Variants in SLC26A7 observed in about 807,000 individuals in gnomAD.
SLC26A7 encodes solute carrier family 26 member 7.
SLC26A7 carries 59 observed loss-of-function variants against 82.5 expected under a neutral mutation model. The ratio of observed to expected loss-of-function variants is 0.72; its 90% CI spans 0.58 to 0.89. The LOEUF is 0.89. SLC26A7 is among the 40% of genes least tolerant of loss of function. The pLI, the probability that SLC26A7 is intolerant of heterozygous loss-of-function variation, is 0.00. For synonymous variants in SLC26A7, 271 were observed against 274.3 expected (o/e 0.99, Z 0.12); for missense variants, 820 against 793.0 (o/e 1.03, Z -0.41).
chr8:91,340,352 T>TA (rs1204265460), intron 7 of SLC26A7, 52 bp from the exon 8 acceptor site: 3 of 1,588,588 alleles, frequency 1.9e-6, no homozygotes, highest in Non-Finnish European at 2.6e-6. Flanking sequence ...TGCAAGTTGT[T>TA]ACAGAAATTA....
chr8:91,261,082 T>A (rs1810951056), intron 2 of SLC26A7, among the ~76,000 whole-genome samples: 1 of 152,100 alleles, frequency 6.6e-6, no homozygotes, highest in African/African-American at 2.4e-5. Context: ...GGAAATAACT[T>A]TCATCGTTGC....
At chr8:91,225,370 T>A (rs1388582282) in intron 2 of SLC26A7, among the ~76,000 whole-genome samples, 1 of 152,116 alleles carries the variant, frequency 6.6e-6, no homozygotes, top group Non-Finnish European at 1.5e-5. Context: ...TTTCCCCAGC[T>A]GAGTAGCATG....
chr8:91,369,730 A>T (rs1224137847), intron 14 of SLC26A7, 55 bp from the exon 15 acceptor site: 1 of 1,300,092 alleles, frequency 7.7e-7, no homozygotes, highest in Non-Finnish European at 1.1e-6. Context: ...GATTTTTTTC[A>T]GACAGAAGTA....
chr8:91,382,150 G>T (rs191444338), intron 15 of SLC26A7, among the ~76,000 whole-genome samples: 53 of 152,196 alleles, frequency 3.5e-4, no homozygotes, highest in African/African-American at 1.2e-3. Flanking sequence ...AGATCTAATT[G>T]CCATTCCAGC....
chr8:91,327,322 GCT>G (rs1432310467), intron 5 of SLC26A7, among the ~76,000 whole-genome samples: 2 of 152,080 alleles, frequency 1.3e-5, no homozygotes, highest in African/African-American at 4.8e-5. Context: ...ACCACTGAGC[GCT>G]CTGTGTTGTG....
chr8:91,297,451 G>T (rs938414073), intron 4 of SLC26A7, among the ~76,000 whole-genome samples: 2 of 151,820 alleles, frequency 1.3e-5, no homozygotes. Context: ...AAACTCCCTA[G>T]AATTATAAGA....
At position 91,344,120 on chromosome 8, in the gene SLC26A7, T is replaced by A. The variant is rs940727123; in HGVS notation, c.1140+654T>A. The A allele has an allele frequency of 1.5e-5, 15 of 985,280 alleles. No individual in the cohort carries two copies. In the African/African-American group the frequency reaches 2.4e-4, roughly 16 times the overall value. The allele number at this position is 985,280 out of a possible 1,614,324, so 61.0% of individuals were successfully genotyped here. A position where few individuals can be genotyped will look rare whatever the true frequency, so the allele number is the denominator to read the frequency against. On this transcript the variant is annotated intron_variant, in intron 9 of 18. Coordinates refer to ENST00000276609, the MANE Select transcript of SLC26A7 (RefSeq NM_052832.4). ...AAGATATTGAGTTGTGTGCCAGGCA[T>A]TGGCTGTCATACTTTTGTTATAAAT...
chr8:91,344,936 TTTTTTTTC>T (rs1258570830), intron 9 of SLC26A7, among the ~76,000 whole-genome samples: 8 of 152,164 alleles, frequency 5.3e-5, no homozygotes, highest in Admixed American at 4.6e-4. Context: ...TATAGCAGTT[TTTTTTTTC>T]TTTTTTTCTT....
intron 2 of SLC26A7, among the ~76,000 whole-genome samples, chr8:91,278,422 G>C (rs1811465090): frequency 2.6e-5 from 4 of 152,092 alleles, no homozygotes; most frequent in Admixed American, 1.3e-4. Context: ...ATATGTAGAA[G>C]TGTTCAAAGA....
At chr8:91,371,178 A>C (rs973281074) in intron 15 of SLC26A7, among the ~76,000 whole-genome samples, 4 of 151,946 alleles carry the variant, frequency 2.6e-5, no homozygotes, top group African/African-American at 9.6e-5. Flanking sequence ...AGTTTGAAGA[A>C]ATAGGTTGAT....
intron 5 of SLC26A7, among the ~76,000 whole-genome samples, chr8:91,332,509 CA>C (rs1813120196): frequency 6.8e-6 from 1 of 146,912 alleles, no homozygotes; most frequent in Non-Finnish European, 1.5e-5. Flanking sequence ...CACACACACA[CA>C]CACACACACA....
chr8:91,270,108 G>A (rs560470194), intron 2 of SLC26A7, among the ~76,000 whole-genome samples: 38 of 152,164 alleles, frequency 2.5e-4, no homozygotes, highest in Non-Finnish European at 4.9e-4. Flanking sequence ...TTGGAGCTCT[G>A]TTGGTTTCTT....
At chr8:91,266,634 T>C (rs1228681907) in intron 2 of SLC26A7, among the ~76,000 whole-genome samples, 1 of 151,978 alleles carries the variant, frequency 6.6e-6, no homozygotes, top group Non-Finnish European at 1.5e-5. Context: ...TTCTAACAAT[T>C]TTGTGGTGGA....
chr8:91,307,286 A>T (rs1763284688), intron 4 of SLC26A7, among the ~76,000 whole-genome samples: 1 of 112,836 alleles, frequency 8.9e-6, no homozygotes, highest in Non-Finnish European at 1.8e-5. Flanking sequence ...TGACCCAGCC[A>T]TCCCATTACT....
chr8:91,333,225 G>T (rs1261870854), intron 5 of SLC26A7, among the ~76,000 whole-genome samples: 1 of 152,080 alleles, frequency 6.6e-6, no homozygotes, highest in Non-Finnish European at 1.5e-5. Context: ...CTTTAATGTT[G>T]TTCTTTTGGT....
chr8:91,293,673 C>T (rs1426960165), intron 3 of SLC26A7, among the ~76,000 whole-genome samples: 1 of 152,178 alleles, frequency 6.6e-6, no homozygotes, highest in African/African-American at 2.4e-5. Flanking sequence ...GATTCCTTCC[C>T]ATCTTCCTCC....
chr8:91,313,333 G>A (rs1488115698), intron 4 of SLC26A7, among the ~76,000 whole-genome samples: 1 of 151,862 alleles, frequency 6.6e-6, no homozygotes, highest in African/African-American at 2.4e-5. Flanking sequence ...TTTATCTATT[G>A]GTCTATATAT....
At chr8:91,244,690 T>C (rs1810520944), upstream of SLC26A7, among the ~76,000 whole-genome samples, 1 of 151,678 alleles carries the variant, frequency 6.6e-6, no homozygotes, top group Admixed American at 6.6e-5. Context: ...TTATTATTAT[T>C]ATTATTATTT....
intron 15 of SLC26A7, among the ~76,000 whole-genome samples, chr8:91,379,161 AGCAAGTAAATATTT>A (rs1417059475): frequency 3.3e-5 from 5 of 152,236 alleles, no homozygotes; most frequent in African/African-American, 1.2e-4. Flanking sequence ...AAATACCTGT[AGCAAGTAAATATTT>A]ATAAATAAAT....
Sources: gnomAD v4.1 joint callset for allele counts (sites outside exome capture counted in the v4.1 genomes callset) on GRCh38, gnomAD v4.1.1 for gene constraint, MANE v1.5 for transcripts, NCBI Gene and HGNC (gene_info 2026-07-23, HGNC 2026-07-21) for gene names.